Variants in STK10 observed in about 807,000 individuals in gnomAD.
The protein encoded by STK10 is serine/threonine-protein kinase 10.
STK10 carries 78 observed loss-of-function variants against 113.8 expected under a neutral mutation model. That is an observed-to-expected ratio of 0.69 (90% CI 0.57 to 0.83). STK10 has a LOEUF of 0.83. Ranked by LOEUF, STK10 falls within the 40% of genes least tolerant of loss-of-function variation. The pLI is 0.00. For synonymous variants in STK10, 465 were observed against 494.7 expected (o/e 0.94, Z 0.80); for missense variants, 1,109 against 1,280.1 (o/e 0.87, Z 2.04).
At chr5:172,099,697 A>G (rs1398879047) in intron 7 of STK10, among the ~76,000 whole-genome samples, 1 of 147,992 alleles carries the variant, frequency 6.8e-6, no homozygotes, top group Admixed American at 6.6e-5. Context: ...CAAGATCCCA[A>G]AGGTTCCTAA....
chr5:172,144,799 G>A (rs996652958), intron 2 of STK10, among the ~76,000 whole-genome samples: 1 of 152,124 alleles, frequency 6.6e-6, no homozygotes, highest in South Asian at 2.1e-4. Flanking sequence ...CGGGTGGAGG[G>A]AGTCCTGCCG....
At chr5:172,178,383 G>A (rs919993326) in intron 1 of STK10, among the ~76,000 whole-genome samples, 9 of 151,980 alleles carry the variant, frequency 5.9e-5, no homozygotes, top group Non-Finnish European at 8.8e-5. Flanking sequence ...TCACCATCCC[G>A]CCTGCCGTAC....
intron 1 of STK10, among the ~76,000 whole-genome samples, chr5:172,186,369 A>T (rs922445440): frequency 6.6e-6 from 1 of 152,104 alleles, no homozygotes; most frequent in African/African-American, 2.4e-5. Context: ...CACCGCTGTA[A>T]TCCCAACACT....
chr5:172,145,491 G>C (rs763264041), intron 2 of STK10, among the ~76,000 whole-genome samples: 1 of 152,244 alleles, frequency 6.6e-6, no homozygotes, highest in Non-Finnish European at 1.5e-5. Context: ...CAGAGCACGC[G>C]CTGGCCCGCT....
chr5:172,072,959 A>G (rs1330675394), intron 12 of STK10, among the ~76,000 whole-genome samples: 2 of 152,186 alleles, frequency 1.3e-5, no homozygotes, highest in Non-Finnish European at 2.9e-5. Context: ...TATTTTTACA[A>G]TCTAGCAATG....
chr5:172,089,764 G>C (rs934959748), intron 10 of STK10, among the ~76,000 whole-genome samples: 1 of 152,152 alleles, frequency 6.6e-6, no homozygotes, highest in South Asian at 2.1e-4. Flanking sequence ...TGAATGGATG[G>C]ATGAATGGAT....
chr5:172,089,189 T>C (rs1390272609), intron 10 of STK10, among the ~76,000 whole-genome samples: 2 of 152,250 alleles, frequency 1.3e-5, no homozygotes, highest in African/African-American at 4.8e-5. Flanking sequence ...CCTTTAGGCC[T>C]GGCTCAGGGG....
intron 3 of STK10, among the ~76,000 whole-genome samples, chr5:172,119,735 G>T (rs529985433): frequency 1.4e-5 from 2 of 144,786 alleles, no homozygotes; most frequent in East Asian, 3.9e-4. Context: ...GTAGTGGCGG[G>T]CGCCTGTAGT....
At chr5:172,139,523 G>T (rs1223504918) in intron 2 of STK10, among the ~76,000 whole-genome samples, 2 of 151,420 alleles carry the variant, frequency 1.3e-5, no homozygotes, top group African/African-American at 4.8e-5. Context: ...AAGAGAGAGG[G>T]AGTCCAGAAA....
intron 18 of STK10, among the ~76,000 whole-genome samples, chr5:172,048,805 G>C (rs562158208): frequency 1.9e-3 from 178 of 95,312 alleles, no homozygotes; most frequent in African/African-American, 4.1e-3. Flanking sequence ...ATCTCACACA[G>C]AGTAAAAGCC....
At chr5:172,056,827 TG>T (rs1767783903) in intron 15 of STK10, among the ~76,000 whole-genome samples, 1 of 149,384 alleles carries the variant, frequency 6.7e-6, no homozygotes, top group Admixed American at 6.7e-5. Context: ...TGAGCCTAGA[TG>T]GCGCCACTGC....
intron 2 of STK10, among the ~76,000 whole-genome samples, chr5:172,142,371 A>G (rs1317887547): frequency 6.6e-6 from 1 of 152,172 alleles, no homozygotes; most frequent in African/African-American, 2.4e-5. Context: ...TGCTGTGCCA[A>G]GTTGATTTCC....
chr5:172,153,437 G>C (rs920661751), intron 2 of STK10, among the ~76,000 whole-genome samples: 2 of 152,182 alleles, frequency 1.3e-5, no homozygotes, highest in African/African-American at 4.8e-5. Context: ...GTAGTGATAA[G>C]GAAGCACAGA....
intron 1 of STK10, among the ~76,000 whole-genome samples, chr5:172,168,817 G>C (rs1222446071): frequency 1.3e-5 from 2 of 152,024 alleles, no homozygotes; most frequent in South Asian, 2.1e-4. Context: ...GTCATGCCAG[G>C]GGTCTCCCGC....
chr5:172,052,917 G>C lies in STK10; in HGVS notation c.2766+12C>G. On this transcript the variant is annotated intron_variant, in intron 18 of 18. Transcript: ENST00000176763. ...AGCCCGAGACTGAGCCCACCAGCTC[G>C]GATAAAGTTACCTTCTTGCGCGGCC... is the stretch of plus-strand genomic sequence containing the variant. 6.2e-7 allele frequency: 1 copy of C among 1,613,342 alleles called. No homozygotes were observed. The highest frequency in any genetic ancestry group is 8.5e-7 in the Non-Finnish European group (1 of 1,179,748).
chr5:172,106,889 G>A (rs1769126463), intron 5 of STK10, 75 bp from the exon 6 acceptor site: 3 of 1,438,082 alleles, frequency 2.1e-6, no homozygotes, highest in Non-Finnish European at 2.8e-6. Flanking sequence ...CAGGGTCAAG[G>A]GCCACCACGA....
chr5:172,073,792 GCA>G (rs1768249322), intron 12 of STK10, among the ~76,000 whole-genome samples: 1 of 55,492 alleles, frequency 1.8e-5, no homozygotes, highest in African/African-American at 1.3e-4. Context: ...ACTAAAAATA[GCA>G]AAAAAAAAAA....
intron 3 of STK10, 61 bp downstream of exon 3, chr5:172,127,312 G>A: frequency 1.3e-6 from 2 of 1,593,752 alleles, no homozygotes; most frequent in Non-Finnish European, 1.7e-6. Context: ...CCAGCAGTCA[G>A]GCTTAGGACT....
chr5:172,169,151 A>C (rs1770621425), intron 1 of STK10, among the ~76,000 whole-genome samples: 1 of 152,140 alleles, frequency 6.6e-6, no homozygotes, highest in African/African-American at 2.4e-5. Context: ...CATCTTCCCC[A>C]GAACCCCAGC....
Sources: allele counts gnomAD v4.1 joint callset (sites outside exome capture counted in the v4.1 genomes callset), GRCh38; gene constraint gnomAD v4.1.1; transcripts MANE v1.5; gene names NCBI Gene and HGNC (gene_info 2026-07-23, HGNC 2026-07-21).